Variants in PCDH15 observed in about 807,000 individuals in gnomAD.
PCDH15 encodes the protein protocadherin-15.
PCDH15 carries 129 observed loss-of-function variants against 178.5 expected under a neutral mutation model. That is an observed-to-expected ratio of 0.72 (90% CI 0.63 to 0.84). The LOEUF (loss-of-function observed/expected upper bound fraction) is 0.84, where lower values mean the gene tolerates loss of function less well. PCDH15 is among the 40% of genes least tolerant of loss of function. The pLI is 0.00. For missense variants in PCDH15, 2,230 were observed against 2,099.9 expected (o/e 1.06, Z -1.21); for synonymous variants, 800 against 732.0 (o/e 1.09, Z -1.50).
chr10:54,156,757 C>T (rs1173125916), intron 13 of PCDH15, among the ~76,000 whole-genome samples: 1 of 152,202 alleles, frequency 6.6e-6, no homozygotes, highest in Non-Finnish European at 1.5e-5. Flanking sequence ...GTCCCTTCCA[C>T]CTACGAGCCT....
intron 8 of PCDH15, among the ~76,000 whole-genome samples, chr10:54,281,751 A>G (rs2058718023): frequency 6.6e-6 from 1 of 152,044 alleles, no homozygotes; most frequent in Non-Finnish European, 1.5e-5. Flanking sequence ...ACTACCATCT[A>G]TAAAAGAGAC....
At chr10:55,115,841 G>T (rs769410096) in intron 2 of PCDH15, among the ~76,000 whole-genome samples, 59 of 152,126 alleles carry the variant, frequency 3.9e-4, no homozygotes, top group Non-Finnish European at 6.3e-4. Flanking sequence ...AAGAAATCTT[G>T]TATTGGACTG....
chr10:54,029,290 AAT>A (rs1400740500), intron 18 of PCDH15, among the ~76,000 whole-genome samples: 1 of 152,154 alleles, frequency 6.6e-6, no homozygotes, highest in Non-Finnish European at 1.5e-5. Flanking sequence ...CTATAATGAA[AAT>A]ATATATTTTC....
chr10:55,391,463 C>T (rs868464532), intron 2 of PCDH15, among the ~76,000 whole-genome samples: 50 of 151,936 alleles, frequency 3.3e-4, no homozygotes, highest in Middle Eastern at 3.4e-3. Context: ...GTTTTTCTTG[C>T]ATTCACTAAA....
chr10:54,436,354 C>T (rs529669039), intron 3 of PCDH15, among the ~76,000 whole-genome samples: 59 of 151,618 alleles, frequency 3.9e-4, no homozygotes, highest in African/African-American at 1.4e-3. Flanking sequence ...AAAGATAAGT[C>T]AGTGACCTTA....
intron 2 of PCDH15, among the ~76,000 whole-genome samples, chr10:55,143,652 G>A (rs900762714): frequency 6.6e-6 from 1 of 151,946 alleles, no homozygotes; most frequent in African/African-American, 2.4e-5. Context: ...TTAGGGAGGA[G>A]ACTACAGATG....
At chr10:54,534,327 T>C (rs1472797111) in intron 2 of PCDH15, among the ~76,000 whole-genome samples, 2 of 152,154 alleles carry the variant, frequency 1.3e-5, no homozygotes, top group Non-Finnish European at 2.9e-5. Flanking sequence ...ACATGAAATG[T>C]CACTGGTGGT....
At position 54,444,851 on chromosome 10, in the gene PCDH15, A is replaced by G. The variant is rs1174697448; in HGVS notation, c.158-65909T>C. Reference sequence around the variant, plus strand: ...AACTCTGGCAGCAAGATTAGCTCTAAGCATATTTTTTTATCACAACAATCG... The same window carrying G: ...AACTCTGGCAGCAAGATTAGCTCTAGGCATATTTTTTTATCACAACAATCG... On this transcript the variant is annotated intron_variant, in intron 3 of 37. Transcript: ENST00000644397. 3.3e-5 allele frequency among the ~76,000 whole-genome samples: 5 copies of G among 151,172 alleles called. No individual in the cohort carries two copies. In the East Asian group the frequency reaches 9.7e-4, roughly 29 times the overall value.
chr10:54,306,423 T>A (rs1462936769), intron 8 of PCDH15, among the ~76,000 whole-genome samples: 1 of 151,954 alleles, frequency 6.6e-6, no homozygotes, highest in Non-Finnish European at 1.5e-5. Context: ...AAGTTCAAAA[T>A]CTGTAGGACA....
intron 1 of PCDH15, among the ~76,000 whole-genome samples, chr10:54,694,517 C>T (rs550566261): frequency 1.3e-5 from 2 of 152,258 alleles, no homozygotes; most frequent in African/African-American, 4.8e-5. Context: ...TGGTGTCCAA[C>T]AAATCTATCG....
intron 2 of PCDH15, among the ~76,000 whole-genome samples, chr10:55,544,552 C>A (rs1217345000): frequency 6.6e-6 from 1 of 152,026 alleles, no homozygotes; most frequent in Non-Finnish European, 1.5e-5. Context: ...ATTAAAATTT[C>A]TGTTTATTTT....
At chr10:55,264,024 G>A (rs1182420212) in intron 1 of PCDH15, among the ~76,000 whole-genome samples, 2 of 152,010 alleles carry the variant, frequency 1.3e-5, no homozygotes, top group African/African-American at 4.8e-5. Flanking sequence ...CTGAGCCACC[G>A]CCCCGGGCCT....
intron 1 of PCDH15, among the ~76,000 whole-genome samples, chr10:54,769,315 C>T (rs1337512519): frequency 2.4e-5 from 3 of 123,584 alleles, no homozygotes; most frequent in Admixed American, 1.9e-4. Context: ...GCAGAGTACG[C>T]AATGCCTTTT....
intron 3 of PCDH15, among the ~76,000 whole-genome samples, chr10:54,507,217 T>C (rs550889089): frequency 1.2e-3 from 178 of 152,000 alleles, no homozygotes; most frequent in Non-Finnish European, 1.0e-3. Flanking sequence ...GAAATCCCAA[T>C]GAGCTTTTGA....
chr10:55,416,091 C>T (rs2132039876), intron 2 of PCDH15, among the ~76,000 whole-genome samples: 1 of 151,634 alleles, frequency 6.6e-6, no homozygotes, highest in Middle Eastern at 3.4e-3. Context: ...AACTTGACAT[C>T]TTGACTCCCA....
At chr10:55,125,811 A>G (rs1046848694) in intron 2 of PCDH15, among the ~76,000 whole-genome samples, 1 of 151,004 alleles carries the variant, frequency 6.6e-6, no homozygotes, top group Non-Finnish European at 1.5e-5. Context: ...AATGAAGCAT[A>G]GCTGCTATAA....
At chr10:54,019,941 A>T (rs1421853042) in intron 20 of PCDH15, among the ~76,000 whole-genome samples, 1 of 152,126 alleles carries the variant, frequency 6.6e-6, no homozygotes, top group African/African-American at 2.4e-5. Context: ...CACAGAGCTG[A>T]TGCAGACTCA....
chr10:55,259,147 G>T (rs1842085583), intron 1 of PCDH15, among the ~76,000 whole-genome samples: 1 of 152,094 alleles, frequency 6.6e-6, no homozygotes, highest in Admixed American at 6.6e-5. Flanking sequence ...CTAGCAGCAG[G>T]ACCCAGATGG....
At chr10:55,353,621 A>T (rs867195310) in intron 2 of PCDH15, among the ~76,000 whole-genome samples, 2 of 152,040 alleles carry the variant, frequency 1.3e-5, no homozygotes, top group South Asian at 4.1e-4. Context: ...TTATCATACC[A>T]ACAGTTGCTA....
Sources: gnomAD v4.1 joint callset for allele counts (sites outside exome capture counted in the v4.1 genomes callset) on GRCh38, gnomAD v4.1.1 for gene constraint, MANE v1.5 for transcripts, NCBI Gene and HGNC (gene_info 2026-07-23, HGNC 2026-07-21) for gene names.